GNG4: variants seen among roughly 807,000 people sequenced by gnomAD.
GNG4 encodes the protein G protein subunit gamma 4.
GNG4 carries 4 observed loss-of-function variants against 5.8 expected under a neutral mutation model. That is an observed-to-expected ratio of 0.69 (90% CI 0.34 to 1.57). The LOEUF (loss-of-function observed/expected upper bound fraction) is 1.57, where lower values mean the gene tolerates loss of function less well. Among genes scored for constraint, GNG4 ranks in the 40% most tolerant of loss-of-function variants. The pLI is 0.06. For missense variants in GNG4, 96 were observed against 95.1 expected (o/e 1.01, Z -0.04); for synonymous variants, 29 against 32.9 (o/e 0.88, Z 0.41).
chr1:235,599,571 C>T (rs1380813103), intron 1 of GNG4, among the ~76,000 whole-genome samples: 2 of 152,186 alleles, frequency 1.3e-5, no homozygotes, highest in African/African-American at 4.8e-5. Flanking sequence ...CCACCTTGGC[C>T]TCCCAAAGTG....
chr1:235,606,155 G>A (rs912743020), intron 1 of GNG4, among the ~76,000 whole-genome samples: 4 of 151,804 alleles, frequency 2.6e-5, no homozygotes, highest in South Asian at 2.1e-4. Flanking sequence ...CGAGGTGGGC[G>A]GATCATGAAG....
intron 1 of GNG4, among the ~76,000 whole-genome samples, chr1:235,595,839 T>C (rs1688109889): frequency 6.6e-6 from 1 of 152,174 alleles, no homozygotes; most frequent in African/African-American, 2.4e-5. Context: ...CAGCCAAACC[T>C]ATGCCAAATG....
At chr1:235,568,080 C>G (rs1416454893) in intron 3 of GNG4, among the ~76,000 whole-genome samples, 1 of 152,184 alleles carries the variant, frequency 6.6e-6, no homozygotes, top group Non-Finnish European at 1.5e-5. Context: ...CCAGCCCCTG[C>G]CTTTTTGGAG....
rs184150600 is a variant in GNG4, at chr1:235,591,270, T to C, written c.-11+4130A>G. On this transcript the variant is annotated intron_variant, in intron 2 of 3. Transcript: ENST00000391854. ...GCGCTTAGGATTTCATCCCCCACACTTGGTCTGTCCTGCTCTCCTGGAACA... is the reference window on the plus strand; with the variant it reads ...GCGCTTAGGATTTCATCCCCCACACCTGGTCTGTCCTGCTCTCCTGGAACA... Among the ~76,000 whole-genome samples the C allele has an allele frequency of 4.2e-3, 646 of 152,314 alleles. 3 individuals carry two copies. The highest frequency in any genetic ancestry group is 0.015 in the African/African-American group (626 of 41,586).
chr1:235,641,506 C>T (rs996415919), intron 1 of GNG4, among the ~76,000 whole-genome samples: 7 of 152,188 alleles, frequency 4.6e-5, no homozygotes, highest in Non-Finnish European at 7.3e-5. Context: ...GCCTGGCCAA[C>T]ATGGTGAAAC....
chr1:235,596,239 C>G (rs1179777544), intron 1 of GNG4, among the ~76,000 whole-genome samples: 1 of 147,230 alleles, frequency 6.8e-6, no homozygotes, highest in African/African-American at 2.5e-5. Flanking sequence ...CACACACACA[C>G]ACACACACAC....
rs1558486233 is a variant in GNG4, at chr1:235,587,573, TGGG to T, written c.-10-3728_-10-3726del. ...TTGGGGTTGTGAATGTGGGAGGGTGTGGGGTGGCGGTGAGTGTGAGTGTGGGAG... is the reference window on the plus strand; with the variant it reads ...TTGGGGTTGTGAATGTGGGAGGGTGTGTGGCGGTGAGTGTGAGTGTGGGAG... On this transcript the variant is annotated intron_variant, in intron 2 of 3. Transcript: ENST00000391854. 7.1e-3 allele frequency among the ~76,000 whole-genome samples: 40 copies of T among 5,652 alleles called. 1 individual carries two copies. Among genetic ancestry groups the T allele is most frequent in the South Asian group, 0.024 (4 of 168 alleles). 3.7% of individuals were successfully genotyped at this position (5,652 alleles called of 152,430 possible).
intron 1 of GNG4, among the ~76,000 whole-genome samples, chr1:235,605,689 G>T (rs1688342659): frequency 6.6e-6 from 1 of 152,178 alleles, no homozygotes; most frequent in Non-Finnish European, 1.5e-5. Context: ...GAGAGGGGGA[G>T]TTCCAGGCAG....
chr1:235,591,390 T>A (rs1003971637), intron 2 of GNG4, among the ~76,000 whole-genome samples: 14 of 152,140 alleles, frequency 9.2e-5, no homozygotes, highest in African/African-American at 3.4e-4. Flanking sequence ...AAGCAGGAAA[T>A]CCCTGGTGGG....
chr1:235,573,295 T>C (rs879320944), intron 3 of GNG4, among the ~76,000 whole-genome samples: 3 of 117,310 alleles, frequency 2.6e-5, no homozygotes, highest in African/African-American at 3.4e-5. Context: ...GGGCACAGGA[T>C]AGGGAACATC....
intron 2 of GNG4, among the ~76,000 whole-genome samples, chr1:235,585,731 G>A (rs1687744426): frequency 6.6e-6 from 1 of 152,100 alleles, no homozygotes; most frequent in African/African-American, 2.4e-5. Context: ...TTGTGGGGGT[G>A]TGTCTTCAAG....
intron 3 of GNG4, among the ~76,000 whole-genome samples, chr1:235,580,741 T>TG (rs1687610809): frequency 7.8e-6 from 1 of 127,974 alleles, no homozygotes; most frequent in Admixed American, 7.5e-5. Flanking sequence ...CCTATCCCGT[T>TG]TTTTGTTTTT....
chr1:235,594,182 A>G (rs1400758155), intron 2 of GNG4, among the ~76,000 whole-genome samples: 1 of 152,178 alleles, frequency 6.6e-6, no homozygotes, highest in African/African-American at 2.4e-5. Context: ...CCACCAGCGT[A>G]GCTAGATACA....
At position 235,648,585 on chromosome 1, in the gene GNG4, G is replaced by C. The variant is rs767328054; in HGVS notation, c.-123+1077C>G. Reference sequence around the variant, plus strand: ...CGGCCGCAGAGCCCAGGTCCCCCATGGCTACTGTGAGGCATTCGCCGCTGC... The same window carrying C: ...CGGCCGCAGAGCCCAGGTCCCCCATCGCTACTGTGAGGCATTCGCCGCTGC... On this transcript the variant is annotated intron_variant, in intron 1 of 3. Coordinates refer to ENST00000391854, the MANE Select transcript of GNG4 (RefSeq NM_001098722.2). The surrounding 1 kb of genome is among the most constrained non-coding windows in gnomAD (Gnocchi z 5.0). 1.3e-5 allele frequency among the ~76,000 whole-genome samples: 2 copies of C among 152,250 alleles called. No individual in the cohort carries two copies. The highest frequency in any genetic ancestry group is 2.9e-5 in the Non-Finnish European group (2 of 68,048).
chr1:235,588,119 AAAG>A (rs1453867234), intron 2 of GNG4, among the ~76,000 whole-genome samples: 1 of 151,968 alleles, frequency 6.6e-6, no homozygotes, highest in African/African-American at 2.4e-5. Flanking sequence ...CCGCTGTTCA[AAAG>A]AAGGGCTCGT....
intron 3 of GNG4, among the ~76,000 whole-genome samples, chr1:235,569,668 A>T (rs1176788634): frequency 2.0e-5 from 3 of 151,502 alleles, no homozygotes; most frequent in African/African-American, 7.3e-5. Context: ...CCCAGGTTCA[A>T]GCGATTCTCC....
intron 2 of GNG4, among the ~76,000 whole-genome samples, chr1:235,589,656 G>C (rs576157496): frequency 6.6e-6 from 1 of 152,204 alleles, no homozygotes; most frequent in South Asian, 2.1e-4. Context: ...GGGACATCAG[G>C]GGAAATCTGC....
At chr1:235,622,395 G>T (rs1022490536) in intron 1 of GNG4, among the ~76,000 whole-genome samples, 5 of 152,158 alleles carry the variant, frequency 3.3e-5, no homozygotes, top group African/African-American at 4.8e-5. Flanking sequence ...AAGGGGTGAG[G>T]CTGGAACTTT....
At chr1:235,597,594 G>GT (rs1688154126) in intron 1 of GNG4, among the ~76,000 whole-genome samples, 1 of 92,844 alleles carries the variant, frequency 1.1e-5, no homozygotes, top group Non-Finnish European at 2.2e-5. Context: ...TTTGCTGTGT[G>GT]TGTGTGTGTG....
Sources: allele counts gnomAD v4.1 joint callset (sites outside exome capture counted in the v4.1 genomes callset), GRCh38; gene constraint gnomAD v4.1.1; non-coding constraint Gnocchi (gnomAD v3.1); transcripts MANE v1.5; gene names NCBI Gene and HGNC (gene_info 2026-07-23, HGNC 2026-07-21).